The following SLC22A23 variants were observed in gnomAD, a reference collection of about 807,000 sequenced individuals.
The protein encoded by SLC22A23 is solute carrier family 22 member 23.
A neutral mutation model predicts 61.0 loss-of-function variants in SLC22A23; 26 were observed. That is an observed-to-expected ratio of 0.43 (90% CI 0.31 to 0.59). The LOEUF (loss-of-function observed/expected upper bound fraction) is 0.59. Ranked by LOEUF, SLC22A23 falls within the 20% of genes least tolerant of loss-of-function variation. The probability of loss-of-function intolerance (pLI) is 0.11; values close to 1 mark genes in which losing one functional copy is unlikely to be tolerated. For missense variants in SLC22A23, 796 were observed against 934.7 expected (o/e 0.85, Z 1.94); for synonymous variants, 430 against 413.9 (o/e 1.04, Z -0.47).
intron 3 of SLC22A23, among the ~76,000 whole-genome samples, chr6:3,358,701 G>T (rs6917778): frequency 0.35 from 53,882 of 151,918 alleles, 9,775 homozygotes; most frequent in Middle Eastern, 0.44. Flanking sequence ...GAAAAAACCT[G>T]TTAAGAGGGT....
chr6:3,306,295 C>CGGG (rs546825224), intron 4 of SLC22A23, among the ~76,000 whole-genome samples: 1 of 152,158 alleles, frequency 6.6e-6, no homozygotes, highest in African/African-American at 2.4e-5. Context: ...CCTCCAACAC[C>CGGG]GGGGGTCACA....
In SLC22A23 at chr6:3,318,426, G is replaced by A; in HGVS notation, c.1082+5408C>T. Reference sequence around the variant, plus strand: ...CCGGGGCCAGCTTCCAGACACCTAGGGACAGCCCTATGCCCACGCGCTGCA... The same window carrying A: ...CCGGGGCCAGCTTCCAGACACCTAGAGACAGCCCTATGCCCACGCGCTGCA... On this transcript the variant is annotated intron_variant, in intron 4 of 9. Coordinates refer to ENST00000406686, the MANE Select transcript of SLC22A23 (RefSeq NM_015482.2). The surrounding 1 kb of genome is among the most constrained non-coding windows in gnomAD (Gnocchi z 4.3). 6.6e-6 allele frequency among the ~76,000 whole-genome samples: 1 copy of A among 152,018 alleles called. No individual in the cohort carries two copies. Among genetic ancestry groups the A allele is most frequent in the Non-Finnish European group, 1.5e-5 (1 of 67,998 alleles).
At chr6:3,444,986 C>T in intron 1 of SLC22A23, 1 of 985,560 alleles carries the variant, frequency 1.0e-6, no homozygotes, top group South Asian at 4.7e-5. Flanking sequence ...AAGGAAGGCA[C>T]CTGAGGCTTC....
chr6:3,413,479 G>T (rs1043697171), intron 2 of SLC22A23, among the ~76,000 whole-genome samples: 1 of 152,252 alleles, frequency 6.6e-6, no homozygotes, highest in Non-Finnish European at 1.5e-5. Context: ...GGGGCAGAGG[G>T]CTGCTGCAGT....
intron 1 of SLC22A23, among the ~76,000 whole-genome samples, chr6:3,438,911 T>C (rs1292916955): frequency 2.6e-5 from 4 of 152,218 alleles, no homozygotes; most frequent in African/African-American, 9.7e-5. Context: ...TGAAACACCC[T>C]CAGCCTGAAC....
chr6:3,340,667 G>T (rs571879375), intron 3 of SLC22A23, among the ~76,000 whole-genome samples: 2 of 152,158 alleles, frequency 1.3e-5, no homozygotes, highest in Non-Finnish European at 1.5e-5. Context: ...GACAATTGCC[G>T]TAGCAAATTT....
At chr6:3,453,841 G>A (rs1209348837) in intron 1 of SLC22A23, among the ~76,000 whole-genome samples, 2 of 152,104 alleles carry the variant, frequency 1.3e-5, no homozygotes, top group Non-Finnish European at 2.9e-5. Context: ...CTTGGGATGT[G>A]GGCTGACAAG....
chr6:3,306,748 G>T (rs1762000653), intron 4 of SLC22A23, among the ~76,000 whole-genome samples: 2 of 152,228 alleles, frequency 1.3e-5, no homozygotes, highest in Non-Finnish European at 2.9e-5. Flanking sequence ...CCCCAGGTGG[G>T]GGGAGAGAAG....
intron 1 of SLC22A23, chr6:3,439,459 A>G (rs952121925): frequency 2.9e-6 from 1 of 340,816 alleles, no homozygotes; most frequent in African/African-American, 2.2e-5. Context: ...TGACCTACCT[A>G]AAGTTCTGAA....
intron 3 of SLC22A23, among the ~76,000 whole-genome samples, chr6:3,376,834 G>T (rs775555571): frequency 2.0e-5 from 3 of 152,086 alleles, no homozygotes; most frequent in Non-Finnish European, 2.9e-5. Context: ...CTGGGAGGGT[G>T]GGGGAGATGG....
At chr6:3,357,218 C>CT (rs1260479400) in intron 3 of SLC22A23, among the ~76,000 whole-genome samples, 9 of 152,208 alleles carry the variant, frequency 5.9e-5, no homozygotes, top group Admixed American at 2.0e-4. Context: ...GCCAAACAAA[C>CT]TCCCTTACCT....
chr6:3,411,629 T>G (rs1323385709), intron 2 of SLC22A23, among the ~76,000 whole-genome samples: 1 of 134,058 alleles, frequency 7.5e-6, no homozygotes, highest in African/African-American at 2.8e-5. Flanking sequence ...TCAATAAAAC[T>G]TCAAAAAAAA....
At chr6:3,416,495 T>A (rs952752178) in intron 1 of SLC22A23, among the ~76,000 whole-genome samples, 1 of 152,268 alleles carries the variant, frequency 6.6e-6, no homozygotes, top group Non-Finnish European at 1.5e-5. Context: ...GGTCAATTAG[T>A]AAATACAACA....
In SLC22A23 at chr6:3,328,927, A is replaced by C. The variant is rs1763430546; in HGVS notation, c.914-4925T>G. Among the ~76,000 whole-genome samples the C allele has an allele frequency of 6.6e-6, 1 of 151,084 alleles. No homozygotes were observed. On this transcript the variant is annotated intron_variant, in intron 3 of 9. Transcript: ENST00000406686. This position sits in a 1 kb window ranked among gnomAD's most constrained non-coding sequence, Gnocchi z 5.0. ...TCCCCTTCTTACTCCCCACTCTCTC[A>C]TCCTGTCCCTGCTTCTCTTCCCCGG...
Position 3,415,693 on chromosome 6 carries a change from G to T in SLC22A23, c.758+59C>A, listed in dbSNP as rs1769647364. On this transcript the variant is annotated intron_variant, in intron 2 of 9. Coordinates refer to ENST00000406686, the MANE Select transcript of SLC22A23 (RefSeq NM_015482.2). ...AGCTAACACTGACTATTTTTCTTTA[G>T]CCAGCAAAGGCGTGCTGTGGCCTCC... 9 of 1,220,514 alleles carry T rather than the reference G, an allele frequency of 7.4e-6. No homozygotes were observed. The South Asian group carries it at 1.2e-4, about 16-fold the overall frequency. The allele number at this position is 1,220,514 out of a possible 1,614,324, so 75.6% of individuals were successfully genotyped here. A position where few individuals can be genotyped will look rare whatever the true frequency, so the allele number is the denominator to read the frequency against.
intron 3 of SLC22A23, among the ~76,000 whole-genome samples, chr6:3,369,275 G>T (rs9391993): frequency 0.7 from 106,882 of 152,034 alleles, 37,798 homozygotes; most frequent in East Asian, 0.84. Flanking sequence ...ACTACAGCCT[G>T]AGCATTCTAA....
intron 8 of SLC22A23, 106 bp downstream of exon 8, chr6:3,284,973 G>A (rs997462288): frequency 1.2e-5 from 19 of 1,553,550 alleles, no homozygotes; most frequent in South Asian, 8.3e-5. Context: ...GGAGGGCAAC[G>A]GGGAGAAAGA....
intron 1 of SLC22A23, among the ~76,000 whole-genome samples, chr6:3,440,303 G>C (rs1269450181): frequency 6.6e-6 from 1 of 152,130 alleles, no homozygotes; most frequent in Non-Finnish European, 1.5e-5. Flanking sequence ...TAACCCCCAG[G>C]ACCTCAGAAT....
chr6:3,284,442 C>G (rs138348426), intron 8 of SLC22A23, among the ~76,000 whole-genome samples: 39 of 152,312 alleles, frequency 2.6e-4, no homozygotes, highest in African/African-American at 8.9e-4. Context: ...CCCATCAAAG[C>G]CCTCGTAAAT....
Sources: allele counts gnomAD v4.1 joint callset (sites outside exome capture counted in the v4.1 genomes callset), GRCh38; gene constraint gnomAD v4.1.1; non-coding constraint Gnocchi (gnomAD v3.1); transcripts MANE v1.5; gene names NCBI Gene and HGNC (gene_info 2026-07-23, HGNC 2026-07-21).